PRKCE: variants seen among roughly 807,000 people sequenced by gnomAD.
The protein encoded by PRKCE is protein kinase C epsilon type.
PRKCE carries 16 observed loss-of-function variants against 85.4 expected under a neutral mutation model. That is an observed-to-expected ratio of 0.19 (90% CI 0.13 to 0.28). The LOEUF (loss-of-function observed/expected upper bound fraction) is 0.28, where lower values mean the gene tolerates loss of function less well. Among genes scored for constraint, PRKCE ranks in the 10% least tolerant of loss-of-function variants. The probability of loss-of-function intolerance (pLI) is 1.00; values close to 1 mark genes in which losing one functional copy is unlikely to be tolerated. For synonymous variants in PRKCE, 388 were observed against 371.5 expected, an observed-to-expected ratio of 1.04 and a Z score of -0.51; for missense variants, 573 against 975.2, an observed-to-expected ratio of 0.59 and a Z score of 5.49.
At chr2:45,744,549 T>C (rs55642705) in intron 1 of PRKCE, among the ~76,000 whole-genome samples, 8,078 of 83,416 alleles carry the variant, frequency 0.097, 1,459 homozygotes, top group African/African-American at 0.38. Flanking sequence ...TTTCTTTCTT[T>C]CTTCCTTCCT....
chr2:46,103,784 A>G (rs1391616068), intron 11 of PRKCE, among the ~76,000 whole-genome samples: 1 of 152,226 alleles, frequency 6.6e-6, no homozygotes, highest in African/African-American at 2.4e-5. Flanking sequence ...AAATATATTT[A>G]TAATTCATTA....
chr2:45,939,833 G>A (rs748821273), intron 2 of PRKCE, among the ~76,000 whole-genome samples: 8 of 152,204 alleles, frequency 5.3e-5, no homozygotes, highest in African/African-American at 1.4e-4. Context: ...GATTACAGGC[G>A]TGAGCCACCA....
At chr2:45,894,807 C>A (rs1696008024) in intron 2 of PRKCE, among the ~76,000 whole-genome samples, 1 of 152,214 alleles carries the variant, frequency 6.6e-6, no homozygotes, top group Admixed American at 6.5e-5. Flanking sequence ...ACTGCAACCT[C>A]CGCCTCCTGG....
At chr2:45,923,391 C>T (rs1220416407) in intron 2 of PRKCE, among the ~76,000 whole-genome samples, 1 of 152,218 alleles carries the variant, frequency 6.6e-6, no homozygotes, top group Non-Finnish European at 1.5e-5. Context: ...AAGCCATCAG[C>T]CAACTGCCTG....
intron 8 of PRKCE, among the ~76,000 whole-genome samples, chr2:46,005,336 C>T (rs975285902): frequency 2.0e-5 from 3 of 152,276 alleles, no homozygotes; most frequent in African/African-American, 7.2e-5. Flanking sequence ...GCAAAACCTC[C>T]TGCTCTCGTG....
intron 10 of PRKCE, among the ~76,000 whole-genome samples, chr2:46,014,709 A>G (rs1191991891): frequency 6.6e-6 from 1 of 152,152 alleles, no homozygotes; most frequent in Non-Finnish European, 1.5e-5. Flanking sequence ...AAAGATACCA[A>G]CTCTGAACTC....
At chr2:45,768,780 T>G (rs1000746796) in intron 1 of PRKCE, among the ~76,000 whole-genome samples, 1 of 152,250 alleles carries the variant, frequency 6.6e-6, no homozygotes, top group Non-Finnish European at 1.5e-5. Flanking sequence ...GGAATTATAG[T>G]CTTTACCATG....
chr2:45,997,622 C>T (rs1704325455), intron 6 of PRKCE, among the ~76,000 whole-genome samples: 1 of 152,128 alleles, frequency 6.6e-6, no homozygotes, highest in Non-Finnish European at 1.5e-5. Flanking sequence ...TCTCGGCTCA[C>T]TACAACCTCT....
At chr2:46,014,571 T>A (rs115986292) in intron 10 of PRKCE, among the ~76,000 whole-genome samples, 1,694 of 152,182 alleles carry the variant, frequency 0.011, 36 homozygotes, top group African/African-American at 0.038. Context: ...AGAAAAAAAA[T>A]TTTTTATACA....
intron 2 of PRKCE, among the ~76,000 whole-genome samples, chr2:45,974,769 G>T (rs1269424909): frequency 6.6e-6 from 1 of 152,256 alleles, no homozygotes; most frequent in Admixed American, 6.5e-5. Context: ...CTGAAGACTG[G>T]CCCTGTTATG....
At chr2:45,657,831 G>A (rs996199613) in intron 1 of PRKCE, among the ~76,000 whole-genome samples, 1 of 152,152 alleles carries the variant, frequency 6.6e-6, no homozygotes, top group African/African-American at 2.4e-5. Flanking sequence ...CTCTGAGGCC[G>A]TTCTCCCTTG....
At chr2:46,012,547 G>A (rs888910480) in intron 10 of PRKCE, among the ~76,000 whole-genome samples, 1 of 152,116 alleles carries the variant, frequency 6.6e-6, no homozygotes, top group African/African-American at 2.4e-5. Context: ...TCCCCAGCAG[G>A]TAGCCCTCCC....
At chr2:46,073,838 A>G in intron 10 of PRKCE, 1 of 152,200 alleles carries the variant, frequency 6.6e-6, no homozygotes, top group East Asian at 1.9e-4. Flanking sequence ...CCGTCCTTCC[A>G]GTATTCCAAG....
intron 1 of PRKCE, among the ~76,000 whole-genome samples, chr2:45,728,004 C>G (rs779123936): frequency 1.3e-4 from 20 of 152,154 alleles, no homozygotes; most frequent in Admixed American, 3.3e-4. Flanking sequence ...GAAAATAAAG[C>G]CCTTACTGGC....
chr2:46,093,080 C>T (rs1670336567), intron 11 of PRKCE, among the ~76,000 whole-genome samples: 1 of 152,152 alleles, frequency 6.6e-6, no homozygotes, highest in Non-Finnish European at 1.5e-5. Context: ...CCCCAGAGAG[C>T]ATCGTTCTTA....
chr2:46,071,869 G>A (rs1226101097), intron 10 of PRKCE, among the ~76,000 whole-genome samples: 1 of 152,176 alleles, frequency 6.6e-6, no homozygotes, highest in African/African-American at 2.4e-5. Context: ...TTTGTGAACA[G>A]ATTAAACACA....
chr2:45,833,256 T>C (rs1558728057), intron 1 of PRKCE, among the ~76,000 whole-genome samples: 1 of 152,160 alleles, frequency 6.6e-6, no homozygotes, highest in Non-Finnish European at 1.5e-5. Flanking sequence ...TTTCCTGATA[T>C]GAAGATAATT....
rs568870344 is a variant in PRKCE at position 46,108,553 on chromosome 2, A to C, written c.1592+22191A>C. The stretch of plus-strand genomic sequence containing the variant: ...GATAGGAGGCTGCTCGATGGGTACA[A>C]TGTTCATTGCTCCAGTGATGGCTGC... On this transcript the variant is annotated intron_variant, in intron 11 of 14. Coordinates refer to ENST00000306156, the MANE Select transcript of PRKCE (RefSeq NM_005400.3). Among the ~76,000 whole-genome samples, 4 of 152,194 alleles carry C rather than the reference A, an allele frequency of 2.6e-5. No individual in the cohort carries two copies. The South Asian group carries it at 8.3e-4, about 32-fold the overall frequency.
intron 10 of PRKCE, among the ~76,000 whole-genome samples, chr2:46,025,128 A>G (rs751419022): frequency 1.4e-4 from 21 of 152,246 alleles, no homozygotes; most frequent in Non-Finnish European, 7.3e-5. Flanking sequence ...GCTAACTCCT[A>G]TTATAAAATG....
Sources: gnomAD v4.1 joint callset for allele counts (sites outside exome capture counted in the v4.1 genomes callset) on GRCh38, gnomAD v4.1.1 for gene constraint, MANE v1.5 for transcripts, NCBI Gene and HGNC (gene_info 2026-07-23, HGNC 2026-07-21) for gene names.